Variants in SS18L1 observed in about 807,000 individuals in gnomAD.
SS18L1 encodes SS18L1 subunit of BAF chromatin remodeling complex.
Under a neutral mutation model 70.3 loss-of-function variants are expected in SS18L1, and 32 were observed. The observed-to-expected ratio is 0.46, with a 90% CI of 0.34 to 0.61. The LOEUF is 0.61. Among genes scored for constraint, SS18L1 ranks in the 20% least tolerant of loss-of-function variants. The pLI, the probability that SS18L1 is intolerant of heterozygous loss-of-function variation, is 0.01. For missense variants in SS18L1, 430 were observed against 542.1 expected, an observed-to-expected ratio of 0.79 and a Z score of 2.05; for synonymous variants, 237 against 229.7, an observed-to-expected ratio of 1.03 and a Z score of -0.29.
At chr20:62,166,764 A>G (rs1490508613) in intron 8 of SS18L1, among the ~76,000 whole-genome samples, 1 of 151,412 alleles carries the variant, frequency 6.6e-6, no homozygotes, top group Admixed American at 6.6e-5. Flanking sequence ...GTCTCTACTA[A>G]AAATACAAAA....
Position 62,174,679 on chromosome 20 carries a change from C to A in SS18L1, c.1164+35C>A. On this transcript the variant is annotated intron_variant, in intron 10 of 10. Coordinates refer to ENST00000331758, the MANE Select transcript of SS18L1 (RefSeq NM_198935.3). This position sits in a 1 kb window ranked among gnomAD's most constrained non-coding sequence, Gnocchi z 4.1. ...CTGGATGTTTCCAGATGTGCCCATC[C>A]GCCGCGCCTGTCGAGACATAATGAA... 6.2e-7 allele frequency: 1 copy of A among 1,613,058 alleles called. No individual in the cohort carries two copies. The highest frequency in any genetic ancestry group is 1.1e-5 in the South Asian group (1 of 91,026).
rs558108712 is a variant in SS18L1, at chr20:62,178,120, C to T, written c.1165-1062C>T. On this transcript the variant is annotated intron_variant, in intron 10 of 10. Transcript: ENST00000331758. The stretch of plus-strand genomic sequence containing the variant: ...CCGCAGCCTCAACCTCCGGGGCATG[C>T]GCCACAACATGTGGCTTATTCTTTT... Among the ~76,000 whole-genome samples, 15 of 146,100 alleles carry T rather than the reference C, an allele frequency of 1.0e-4. No individual in the cohort carries two copies. In the South Asian group the frequency reaches 2.7e-3, roughly 26 times the overall value.
At position 62,161,428 on chromosome 20, in the gene SS18L1, G is replaced by A. The variant is rs770353660; in HGVS notation, c.232-8G>A. 1 of 1,612,728 alleles carries A rather than the reference G, an allele frequency of 6.2e-7. No homozygotes were observed. The highest frequency in any genetic ancestry group is 2.2e-5 in the East Asian group (1 of 44,856). ...CGTTTTTCCCTGAAAACTTCCTGTT[G>A]CCTGCAGCCGCCCACGCAGAACATG... On this transcript the variant is annotated splice_region_variant and splice_polypyrimidine_tract_variant and intron_variant, in intron 3 of 10. Coordinates refer to ENST00000331758, the MANE Select transcript of SS18L1 (RefSeq NM_198935.3). The surrounding 1 kb of genome is among the most constrained non-coding windows in gnomAD (Gnocchi z 4.4).
chr20:62,182,277 AAAG>A lies in SS18L1; in HGVS notation c.*3074_*3076del, dbSNP rs2057724387. On this transcript the variant is annotated 3_prime_UTR_variant, in exon 11 of 11. Transcript: ENST00000331758. ...AGGGGGCACCCCTTCAAAACTGTAC[AAAG>A]AAGACGACTGTTTTCCATTTCCATT... is the stretch of plus-strand genomic sequence containing the variant. 4.6e-6 allele frequency: 1 copy of A among 217,874 alleles called. No individual in the cohort carries two copies. Among genetic ancestry groups the A allele is most frequent in the South Asian group, 1.8e-4 (1 of 5,420 alleles). The allele number at this position is 217,874 out of a possible 1,614,324, so 13.5% of individuals were successfully genotyped here.
At chr20:62,178,547 C>A (rs552458129) in intron 10 of SS18L1, among the ~76,000 whole-genome samples, 1 of 152,092 alleles carries the variant, frequency 6.6e-6, no homozygotes, top group Non-Finnish European at 1.5e-5. Flanking sequence ...CCTCCTGCCT[C>A]GGCCTCCCAA....
intron 9 of SS18L1, among the ~76,000 whole-genome samples, chr20:62,173,802 G>A (rs2057572930): frequency 6.6e-6 from 1 of 152,076 alleles, no homozygotes; most frequent in Admixed American, 6.5e-5. Flanking sequence ...GATTGCTTGA[G>A]CCCAGGAGTT....
In SS18L1 at chr20:62,180,903, T is replaced by A. The variant is rs756038036; in HGVS notation, c.*1695T>A. ...AGAGTGAAATTCCGTCTCAAAAAAA[T>A]AAATAAATAAATAAATAAATAAGTT... On this transcript the variant is annotated 3_prime_UTR_variant, in exon 11 of 11. Coordinates refer to ENST00000331758, the MANE Select transcript of SS18L1 (RefSeq NM_198935.3). 3.5e-4 allele frequency: 51 copies of A among 145,376 alleles called. 1 individual carries two copies. The highest frequency in any genetic ancestry group is 6.1e-4 in the Non-Finnish European group (38 of 62,632). The allele number at this position is 145,376 out of a possible 1,614,324, so 9.0% of individuals were successfully genotyped here. A position where few individuals can be genotyped will look rare whatever the true frequency, so the allele number is the denominator to read the frequency against.
chr20:62,160,036 A>C, intron 3 of SS18L1, 75 bp downstream of exon 3: 1 of 1,430,360 alleles, frequency 7.0e-7, no homozygotes, highest in Non-Finnish European at 9.5e-7. Flanking sequence ...AATTGTGGGC[A>C]TGTCATCTCA....
chr20:62,160,155 G>A (rs918441118), intron 3 of SS18L1, among the ~76,000 whole-genome samples, 194 bp downstream of exon 3: 1 of 148,226 alleles, frequency 6.7e-6, no homozygotes. Flanking sequence ...TAATGACAGC[G>A]TCTGAGGTGG....
chr20:62,165,512 G>T lies in SS18L1; in HGVS notation c.914G>T (p.Gly305Val), dbSNP rs754727411. 1 of 1,611,054 alleles carries T rather than the reference G, an allele frequency of 6.2e-7. No individual in the cohort carries two copies. The highest frequency in any genetic ancestry group is 1.7e-5 in the Admixed American group (1 of 59,780). The change falls in exon 8 of 11, where the codon GGG becomes GTG. Residue 305 changes from glycine to valine, a missense_variant and splice_region_variant. Physicochemically the swap from Gly to Val is moderately radical, Grantham distance 109 (BLOSUM62 -3). Coordinates refer to ENST00000331758, the MANE Select transcript of SS18L1 (RefSeq NM_198935.3). ...FEESTQHYYE[G>V]GNSQYSQQQA... Reference sequence around the variant, plus strand: ...GAGTCCACGCAGCACTACTATGAGGGGGGTAAGGAGCACGGCTGCGTGCTG... The same window carrying T: ...GAGTCCACGCAGCACTACTATGAGGTGGGTAAGGAGCACGGCTGCGTGCTG...
chr20:62,143,877 A>G lies in SS18L1; in HGVS notation c.57A>G (p.Gln19=). 1 of 1,266,898 alleles carries G rather than the reference A, an allele frequency of 7.9e-7. No homozygotes were observed. The highest frequency in any genetic ancestry group is 5.0e-5 in the East Asian group (1 of 20,178). The allele number at this position is 1,266,898 out of a possible 1,614,324, so 78.5% of individuals were successfully genotyped here. A position where few individuals can be genotyped will look rare whatever the true frequency, so the allele number is the denominator to read the frequency against. Residue 19 remains glutamine, a synonymous_variant, in exon 1 of 11, where the codon CAA becomes CAG. Transcript: ENST00000331758. ...RPRGKGEVTQ[Q]TIQKMLDENH... ...GAGGCAAAGGGGAGGTTACGCAGCA[A>G]ACCATCCAGAAGGTGGGCCGGGCCG...
chr20:62,143,819 C>T lies in SS18L1; in HGVS notation c.-2C>T, dbSNP rs1265406258. The T allele has an allele frequency of 8.1e-6, 11 of 1,359,692 alleles. No homozygotes were observed. The highest frequency in any genetic ancestry group is 4.2e-4 in the Middle Eastern group (2 of 4,774). 84.2% of individuals were successfully genotyped at this position (1,359,692 alleles called of 1,614,324 possible). On this transcript the variant is annotated 5_prime_UTR_variant, in exon 1 of 11. Transcript: ENST00000331758. ...CCACGGGCTGAGCCCCGCGCCGCCA[C>T]CATGTCCGTGGCCTTCGCGTCTGCC...
intron 1 of SS18L1, among the ~76,000 whole-genome samples, chr20:62,150,468 G>C (rs766693519): frequency 6.6e-6 from 1 of 152,204 alleles, no homozygotes; most frequent in African/African-American, 2.4e-5. Context: ...TGACTCCTAG[G>C]AATTGATTCT....
intron 1 of SS18L1, among the ~76,000 whole-genome samples, chr20:62,146,570 C>G (rs1244181950): frequency 6.9e-6 from 1 of 145,030 alleles, no homozygotes; most frequent in African/African-American, 2.6e-5. Flanking sequence ...TGTTCTCTGG[C>G]TTGTAGGTGC....
chr20:62,152,208 G>A (rs927610706), intron 1 of SS18L1, among the ~76,000 whole-genome samples: 5 of 152,240 alleles, frequency 3.3e-5, no homozygotes, highest in African/African-American at 1.2e-4. Flanking sequence ...TGCCCACGTC[G>A]GTCTTCACCC....
intron 1 of SS18L1, among the ~76,000 whole-genome samples, chr20:62,150,885 T>TC (rs1229390337): frequency 3.3e-5 from 5 of 151,970 alleles, no homozygotes; most frequent in African/African-American, 9.7e-5. Context: ...GTGCACAGGC[T>TC]CCATGCCAGA....
Position 62,161,374 on chromosome 20 carries a change from C to A in SS18L1, c.232-62C>A. 6.2e-7 allele frequency: 1 copy of A among 1,611,516 alleles called. No individual in the cohort carries two copies. The highest frequency in any genetic ancestry group is 1.1e-5 in the South Asian group (1 of 90,750). ...GGGTGCCCTCTCATCCCTGGCCTGG[C>A]TTGTGGAGGTCGCTCTCCGTAAATT... is the stretch of plus-strand genomic sequence containing the variant. On this transcript the variant is annotated intron_variant, in intron 3 of 10. Transcript: ENST00000331758. This position sits in a 1 kb window ranked among gnomAD's most constrained non-coding sequence, Gnocchi z 4.4.
At position 62,174,813 on chromosome 20, in the gene SS18L1, G is replaced by C. The variant is rs998827309; in HGVS notation, c.1164+169G>C. The C allele has an allele frequency of 3.3e-6, 5 of 1,509,498 alleles. No individual in the cohort carries two copies. In the African/African-American group the frequency reaches 4.1e-5, roughly 12 times the overall value. 93.5% of individuals were successfully genotyped at this position (1,509,498 alleles called of 1,614,324 possible). A position where few individuals can be genotyped will look rare whatever the true frequency, so the allele number is the denominator to read the frequency against. On this transcript the variant is annotated intron_variant, in intron 10 of 10. Coordinates refer to ENST00000331758, the MANE Select transcript of SS18L1 (RefSeq NM_198935.3). This position sits in a 1 kb window ranked among gnomAD's most constrained non-coding sequence, Gnocchi z 4.1. ...TGTAAGGTTTTGCAGAATTGCCTCT[G>C]TGTATACGCTCACCTCAGTCATCCA...
chr20:62,172,609 G>GT, intron 8 of SS18L1, 73 bp from the exon 9 acceptor site: 1 of 1,604,564 alleles, frequency 6.2e-7, no homozygotes, highest in Non-Finnish European at 8.5e-7. Flanking sequence ...TTACCGTGTC[G>GT]TGAGTGGGCC....
Sources: gnomAD v4.1 joint callset for allele counts (sites outside exome capture counted in the v4.1 genomes callset) on GRCh38, gnomAD v4.1.1 for gene constraint, Gnocchi (gnomAD v3.1) non-coding constraint, MANE v1.5 for transcripts, NCBI Gene and HGNC (gene_info 2026-07-23, HGNC 2026-07-21) for gene names.